The following PHACTR1 variants were observed in gnomAD, a reference collection of about 807,000 sequenced individuals.
The protein encoded by PHACTR1 is RPEL repeat containing 1.
Under a neutral mutation model 69.2 loss-of-function variants are expected in PHACTR1, and 16 were observed. The ratio of observed to expected loss-of-function variants is 0.23; its 90% CI spans 0.16 to 0.35. The LOEUF is 0.35. PHACTR1 is among the 10% of genes least tolerant of loss of function. The pLI is 1.00. For synonymous variants in PHACTR1, 312 were observed against 284.5 expected (o/e 1.10, Z -0.97); for missense variants, 510 against 734.7 (o/e 0.69, Z 3.54).
chr6:13,142,846 GA>G (rs370455517), intron 5 of PHACTR1, among the ~76,000 whole-genome samples: 9 of 148,634 alleles, frequency 6.1e-5, no homozygotes, highest in African/African-American at 1.5e-4. Flanking sequence ...AAAAAAAAAA[GA>G]AAACACGACT....
At chr6:13,129,780 C>G (rs1392220298) in intron 5 of PHACTR1, among the ~76,000 whole-genome samples, 1 of 152,046 alleles carries the variant, frequency 6.6e-6, no homozygotes, top group Non-Finnish European at 1.5e-5. Context: ...AAACAATGGA[C>G]TTAAATTATA....
At chr6:13,081,365 G>A (rs558409508) in intron 5 of PHACTR1, among the ~76,000 whole-genome samples, 1 of 152,106 alleles carries the variant, frequency 6.6e-6, no homozygotes, top group African/African-American at 2.4e-5. Context: ...AGAGAAACAG[G>A]TCAAATTTTA....
intron 10 of PHACTR1, among the ~76,000 whole-genome samples, chr6:13,260,369 G>A (rs1010006862): frequency 2.0e-5 from 3 of 152,152 alleles, no homozygotes; most frequent in African/African-American, 7.2e-5. Flanking sequence ...GGGAGTGAAG[G>A]TAAATGAGGC....
intron 5 of PHACTR1, among the ~76,000 whole-genome samples, chr6:13,079,090 C>CT (rs1464841471): frequency 1.1e-4 from 17 of 152,066 alleles, no homozygotes; most frequent in Admixed American, 1.0e-3. Context: ...TTGATTTTTC[C>CT]AGATCCACCT....
chr6:12,921,586 AAGGAAGGG>A lies in PHACTR1; in HGVS notation c.251-131763_251-131756del, dbSNP rs368443999. 4.3e-3 allele frequency among the ~76,000 whole-genome samples: 462 copies of A among 108,492 alleles called. 10 individuals carry two copies. Among genetic ancestry groups the A allele is most frequent in the African/African-American group, 0.015 (420 of 27,444 alleles). The allele number at this position is 108,492 out of a possible 152,430, so 71.2% of individuals were successfully genotyped here. On this transcript the variant is annotated intron_variant, in intron 4 of 14. Coordinates refer to ENST00000332995, the MANE Select transcript of PHACTR1 (RefSeq NM_030948.6). ...AAGGAAGGAGGGAAGGAAGGAGAAG[AAGGAAGGG>A]AGGAAGGGAGGAAGGAAGGAAGAAA... is the stretch of plus-strand genomic sequence containing the variant.
In PHACTR1 at chr6:13,000,614, G is replaced by GAGGAAGGAAGGAAGGAAGGAAGGAAGGA. The variant is rs796923836; in HGVS notation, c.251-52724_251-52723insAAGGAAGGAAGGAAGGAAGGAAGGAAGG. ...AGAGAAGAGAGGGAAGGAGGGAAGGGAGGAAGGAAGGAAGGAAGGAAGGAA... is the reference window on the plus strand; with the variant it reads ...AGAGAAGAGAGGGAAGGAGGGAAGGGAGGAAGGAAGGAAGGAAGGAAGGAAGGAAGGAAGGAAGGAAGGAAGGAAGGAA... On this transcript the variant is annotated intron_variant, in intron 4 of 14. Coordinates refer to ENST00000332995, the MANE Select transcript of PHACTR1 (RefSeq NM_030948.6). Among the ~76,000 whole-genome samples, 365 of 103,754 alleles carry GAGGAAGGAAGGAAGGAAGGAAGGAAGGA rather than the reference G, an allele frequency of 3.5e-3. 11 individuals are homozygous for GAGGAAGGAAGGAAGGAAGGAAGGAAGGA. Among genetic ancestry groups the GAGGAAGGAAGGAAGGAAGGAAGGAAGGA allele is most frequent in the African/African-American group, 0.013 (282 of 21,618 alleles). The allele number at this position is 103,754 out of a possible 152,430, so 68.1% of individuals were successfully genotyped here.
At chr6:12,885,515 T>C (rs1424858450) in intron 4 of PHACTR1, among the ~76,000 whole-genome samples, 1 of 152,254 alleles carries the variant, frequency 6.6e-6, no homozygotes, top group Admixed American at 6.5e-5. Flanking sequence ...CCCTTTGAAG[T>C]TGGAAATTGC....
At chr6:12,780,966 A>G (rs1163080827) in intron 4 of PHACTR1, among the ~76,000 whole-genome samples, 1 of 152,170 alleles carries the variant, frequency 6.6e-6, no homozygotes, top group Non-Finnish European at 1.5e-5. Flanking sequence ...TTTCCCCTTC[A>G]GCTACCAGAA....
chr6:12,963,609 G>A (rs4715015), intron 4 of PHACTR1, among the ~76,000 whole-genome samples: 32,899 of 152,016 alleles, frequency 0.22, 4,270 homozygotes, highest in African/African-American at 0.36. Context: ...TGTTCCCTGG[G>A]AGTTATGATC....
intron 4 of PHACTR1, among the ~76,000 whole-genome samples, chr6:13,048,525 T>TGC (rs1350112945): frequency 6.7e-6 from 1 of 150,354 alleles, no homozygotes; most frequent in Non-Finnish European, 1.5e-5. Context: ...CATTTCTTTG[T>TGC]GTGTGTGTGT....
intron 4 of PHACTR1, among the ~76,000 whole-genome samples, chr6:13,041,520 A>G (rs1200298903): frequency 1.3e-5 from 2 of 152,194 alleles, no homozygotes; most frequent in African/African-American, 4.8e-5. Flanking sequence ...GGAGCTACAT[A>G]AGGAAACAGG....
chr6:13,089,012 A>T (rs2127821471), intron 5 of PHACTR1, among the ~76,000 whole-genome samples: 1 of 152,328 alleles, frequency 6.6e-6, no homozygotes, highest in South Asian at 2.1e-4. Context: ...ATTTGCCAAG[A>T]GGTGATAGGA....
chr6:12,885,197 C>T (rs1045788151), intron 4 of PHACTR1, among the ~76,000 whole-genome samples: 1 of 152,178 alleles, frequency 6.6e-6, no homozygotes, highest in Admixed American at 6.5e-5. Flanking sequence ...TGCCTTGCGT[C>T]GGACCTAGAC....
chr6:12,816,382 A>T (rs1270926039), intron 4 of PHACTR1, among the ~76,000 whole-genome samples: 3 of 152,182 alleles, frequency 2.0e-5, no homozygotes, highest in Admixed American at 6.5e-5. Flanking sequence ...TTAGTCTTTT[A>T]GTCTTATGTA....
chr6:12,995,764 G>A (rs890081749), intron 4 of PHACTR1, among the ~76,000 whole-genome samples: 2 of 151,878 alleles, frequency 1.3e-5, no homozygotes, highest in African/African-American at 2.4e-5. Context: ...TTAAAATTAC[G>A]AGGGAAAACT....
intron 5 of PHACTR1, among the ~76,000 whole-genome samples, chr6:13,150,417 A>G (rs1824126704): frequency 6.6e-6 from 1 of 152,200 alleles, no homozygotes; most frequent in South Asian, 2.1e-4. Context: ...TGGATTATCA[A>G]GTAATTGAAA....
At chr6:12,999,730 A>G (rs1397454093) in intron 4 of PHACTR1, among the ~76,000 whole-genome samples, 2 of 152,224 alleles carry the variant, frequency 1.3e-5, no homozygotes, top group Non-Finnish European at 2.9e-5. Flanking sequence ...GCAAATGCAT[A>G]CCTATATGGT....
chr6:12,915,716 C>T (rs745876230), intron 4 of PHACTR1, among the ~76,000 whole-genome samples: 32 of 152,284 alleles, frequency 2.1e-4, no homozygotes, highest in South Asian at 4.1e-4. Flanking sequence ...TTCCTACTCA[C>T]TCCTCATAGT....
chr6:13,218,538 C>T (rs886589284), intron 8 of PHACTR1, among the ~76,000 whole-genome samples: 2 of 152,054 alleles, frequency 1.3e-5, no homozygotes, highest in Admixed American at 1.3e-4. Flanking sequence ...TAAAAATATT[C>T]GGCCATTGAA....
Sources: allele counts gnomAD v4.1 joint callset (sites outside exome capture counted in the v4.1 genomes callset), GRCh38; gene constraint gnomAD v4.1.1; transcripts MANE v1.5; gene names NCBI Gene and HGNC (gene_info 2026-07-23, HGNC 2026-07-21).